KCNH5: variants seen among roughly 807,000 people sequenced by gnomAD.
KCNH5 encodes the protein voltage-gated delayed rectifier potassium channel KCNH5.
In KCNH5, 46 loss-of-function variants were observed where a neutral mutation model predicts 96.1. That is an observed-to-expected ratio of 0.48 (90% CI 0.38 to 0.61). The LOEUF is 0.61. KCNH5 is among the 20% of genes least tolerant of loss of function. The probability of loss-of-function intolerance (pLI) is 0.00; values close to 1 mark genes in which losing one functional copy is unlikely to be tolerated. For synonymous variants in KCNH5, 439 were observed against 449.8 expected (o/e 0.98, Z 0.30); for missense variants, 907 against 1,225.8 (o/e 0.74, Z 3.88).
chr14:63,001,682 C>T (rs1427745014), intron 3 of KCNH5, among the ~76,000 whole-genome samples: 3 of 152,204 alleles, frequency 2.0e-5, no homozygotes, highest in Non-Finnish European at 4.4e-5. Context: ...GCCAAAATAT[C>T]AAAATTCTAA....
chr14:62,749,349 T>A (rs1885446936), intron 10 of KCNH5, among the ~76,000 whole-genome samples: 1 of 152,032 alleles, frequency 6.6e-6, no homozygotes, highest in Non-Finnish European at 1.5e-5. Flanking sequence ...AAGAAATGAG[T>A]TTAATTCCAG....
intron 10 of KCNH5, among the ~76,000 whole-genome samples, chr14:62,741,481 A>T (rs951578642): frequency 2.6e-5 from 4 of 152,132 alleles, no homozygotes; most frequent in Non-Finnish European, 5.9e-5. Context: ...AATTATCCAG[A>T]TTTTAGATTG....
chr14:62,929,735 C>T (rs369523129), intron 7 of KCNH5, among the ~76,000 whole-genome samples: 2 of 151,092 alleles, frequency 1.3e-5, no homozygotes, highest in African/African-American at 4.9e-5. Context: ...AGATTTGTTA[C>T]ATGGGTATAT....
chr14:62,882,814 A>T (rs1245379181), intron 7 of KCNH5, among the ~76,000 whole-genome samples: 3 of 152,214 alleles, frequency 2.0e-5, no homozygotes, highest in South Asian at 4.1e-4. Context: ...CAGAGCTCTT[A>T]TTAACATGGG....
chr14:62,844,976 C>T (rs1183257738), intron 8 of KCNH5, among the ~76,000 whole-genome samples: 1 of 151,964 alleles, frequency 6.6e-6, no homozygotes, highest in Non-Finnish European at 1.5e-5. Context: ...TTTCTTTGTA[C>T]AAGCAATTGA....
At chr14:62,730,610 A>C (rs893918506) in intron 10 of KCNH5, among the ~76,000 whole-genome samples, 1 of 152,214 alleles carries the variant, frequency 6.6e-6, no homozygotes, top group Non-Finnish European at 1.5e-5. Flanking sequence ...ATCTTGTTTG[A>C]TATTAGCAGA....
chr14:63,030,771 G>C (rs1891609930), intron 1 of KCNH5, among the ~76,000 whole-genome samples: 1 of 152,202 alleles, frequency 6.6e-6, no homozygotes, highest in Non-Finnish European at 1.5e-5. Context: ...ATAGAATCTT[G>C]TCACCAGTGT....
chr14:62,777,860 T>C (rs533434196), intron 10 of KCNH5, among the ~76,000 whole-genome samples: 10 of 64,248 alleles, frequency 1.6e-4, no homozygotes, highest in Admixed American at 1.1e-3. Context: ...TATGTGTATT[T>C]GTGTGTGTGT....
chr14:62,840,924 C>G (rs1887572455), intron 8 of KCNH5, among the ~76,000 whole-genome samples: 1 of 152,052 alleles, frequency 6.6e-6, no homozygotes, highest in African/African-American at 2.4e-5. Flanking sequence ...CTATATTTTT[C>G]TACAACCTGT....
chr14:62,978,917 GA>G (rs749232014), intron 6 of KCNH5, among the ~76,000 whole-genome samples: 4 of 152,104 alleles, frequency 2.6e-5, no homozygotes, highest in Non-Finnish European at 5.9e-5. Context: ...TTTGTGGTGA[GA>G]ACACTTTACA....
intron 7 of KCNH5, among the ~76,000 whole-genome samples, chr14:62,852,622 T>C (rs1364740265): frequency 6.6e-6 from 1 of 152,198 alleles, no homozygotes; most frequent in East Asian, 1.9e-4. Context: ...TTTTTCTTTT[T>C]TTCGTATGCA....
At chr14:62,908,225 A>G (rs1188064050) in intron 7 of KCNH5, among the ~76,000 whole-genome samples, 9 of 152,232 alleles carry the variant, frequency 5.9e-5, no homozygotes, top group African/African-American at 1.9e-4. Context: ...AACACATTTC[A>G]TCTTCACAGG....
At chr14:62,961,867 G>A (rs890057579) in intron 6 of KCNH5, among the ~76,000 whole-genome samples, 31 of 151,930 alleles carry the variant, frequency 2.0e-4, no homozygotes, top group Admixed American at 3.3e-4. Context: ...TGCAGATGCA[G>A]ATGCAAATGC....
chr14:62,702,994 A>C lies in KCNH5; in HGVS notation c.*4514T>G, dbSNP rs1884370669. The C allele has an allele frequency of 6.6e-6, 1 of 151,950 alleles. No homozygotes were observed. The highest frequency in any genetic ancestry group is 1.5e-5 in the Non-Finnish European group (1 of 67,842). The allele number at this position is 151,950 out of a possible 1,614,324, so 9.4% of individuals were successfully genotyped here. On this transcript the variant is annotated 3_prime_UTR_variant, in exon 11 of 11. Transcript: ENST00000322893. Reference sequence around the variant, plus strand: ...GGGTACACATTCAGTTTTGTTACATAGATACATTGGTGAACTACTCTATAC... The same window carrying C: ...GGGTACACATTCAGTTTTGTTACATCGATACATTGGTGAACTACTCTATAC...
intron 10 of KCNH5, among the ~76,000 whole-genome samples, chr14:62,740,604 C>G (rs973814458): frequency 6.6e-6 from 1 of 152,088 alleles, no homozygotes; most frequent in Non-Finnish European, 1.5e-5. Flanking sequence ...GGATAACATC[C>G]CTATATTTCA....
In KCNH5 at chr14:62,962,849, T is replaced by C. The variant is rs188299612; in HGVS notation, c.943-12290A>G. The stretch of plus-strand genomic sequence containing the variant: ...GAGACAATAATTTCCAACTACAGTG[T>C]TCTTCCCAAAGGTTTCAGCAAAAAA... On this transcript the variant is annotated intron_variant, in intron 6 of 10. Coordinates refer to ENST00000322893, the MANE Select transcript of KCNH5 (RefSeq NM_139318.5). Among the ~76,000 whole-genome samples, 202 of 152,304 alleles carry C rather than the reference T, an allele frequency of 1.3e-3. 1 individual carries two copies. The Middle Eastern group carries it at 0.027, about 21-fold the overall frequency.
At chr14:62,891,824 G>T (rs1168564178) in intron 7 of KCNH5, among the ~76,000 whole-genome samples, 5 of 152,044 alleles carry the variant, frequency 3.3e-5, no homozygotes, top group African/African-American at 1.2e-4. Flanking sequence ...TGGTAATCTT[G>T]GATATTATTG....
At chr14:62,713,348 C>T (rs780907641) in intron 10 of KCNH5, among the ~76,000 whole-genome samples, 14 of 152,124 alleles carry the variant, frequency 9.2e-5, no homozygotes, top group Admixed American at 3.9e-4. Context: ...ATATCATTTG[C>T]CTTCTGGCAT....
At chr14:62,948,099 T>C (rs1428550900) in intron 7 of KCNH5, among the ~76,000 whole-genome samples, 5 of 152,060 alleles carry the variant, frequency 3.3e-5, no homozygotes, top group African/African-American at 1.2e-4. Flanking sequence ...GTTCTTGCGA[T>C]AGTTTACTGA....
Sources: gnomAD v4.1 joint callset for allele counts (sites outside exome capture counted in the v4.1 genomes callset) on GRCh38, gnomAD v4.1.1 for gene constraint, MANE v1.5 for transcripts, NCBI Gene and HGNC (gene_info 2026-07-23, HGNC 2026-07-21) for gene names.